TRAK1: variants seen among roughly 807,000 people sequenced by gnomAD.
TRAK1 encodes the protein trafficking kinesin-binding protein 1.
Under a neutral mutation model 92.1 loss-of-function variants are expected in TRAK1, and 33 were observed. The ratio of observed to expected loss-of-function variants is 0.36; its 90% CI spans 0.27 to 0.48. The LOEUF is 0.48. Among genes scored for constraint, TRAK1 ranks in the 20% least tolerant of loss-of-function variants. The pLI, the probability that TRAK1 is intolerant of heterozygous loss-of-function variation, is 0.99. For synonymous variants in TRAK1, 521 were observed against 517.3 expected (o/e 1.01, Z -0.10); for missense variants, 1,123 against 1,257.9 (o/e 0.89, Z 1.62).
At chr3:42,158,942 A>T (rs1700893142) in intron 2 of TRAK1, among the ~76,000 whole-genome samples, 1 of 147,516 alleles carries the variant, frequency 6.8e-6, no homozygotes, top group Non-Finnish European at 1.5e-5. Context: ...CTGGGCGACA[A>T]AGCAAGACTC....
chr3:42,135,678 C>T (rs777564831), intron 2 of TRAK1, among the ~76,000 whole-genome samples: 1 of 152,216 alleles, frequency 6.6e-6, no homozygotes, highest in Non-Finnish European at 1.5e-5. Context: ...GTGGGAACAT[C>T]CCAGCTCTCT....
intron 1 of TRAK1, among the ~76,000 whole-genome samples, chr3:42,118,729 T>TCTTA (rs1709479485): frequency 6.6e-6 from 1 of 152,214 alleles, no homozygotes; most frequent in African/African-American, 2.4e-5. Flanking sequence ...CCATTCCAAA[T>TCTTA]CTTACGCCTT....
intron 1 of TRAK1, among the ~76,000 whole-genome samples, chr3:42,115,163 C>T (rs1182084275): frequency 5.3e-5 from 8 of 152,184 alleles, no homozygotes; most frequent in Non-Finnish European, 8.8e-5. Flanking sequence ...AACTTATACA[C>T]GTTAACTTTC....
intron 1 of TRAK1, among the ~76,000 whole-genome samples, chr3:42,077,854 A>T (rs1704228110): frequency 6.6e-6 from 1 of 152,170 alleles, no homozygotes; most frequent in Admixed American, 6.5e-5. Context: ...TTGGACAGAG[A>T]CTGTGGGGTG....
intron 2 of TRAK1, chr3:42,149,531 T>C (rs1003510508): frequency 6.5e-7 from 1 of 1,536,160 alleles, no homozygotes; most frequent in East Asian, 2.4e-5. Context: ...GCAAGACTAC[T>C]GACTATGCAG....
chr3:42,162,605 C>T (rs1427338048), intron 2 of TRAK1, among the ~76,000 whole-genome samples: 3 of 151,996 alleles, frequency 2.0e-5, no homozygotes, highest in Non-Finnish European at 4.4e-5. Context: ...TGGTGCACAG[C>T]GATGCTGTAC....
chr3:42,056,702 C>T (rs1703218801), intron 1 of TRAK1, among the ~76,000 whole-genome samples: 1 of 152,066 alleles, frequency 6.6e-6, no homozygotes, highest in Admixed American at 6.6e-5. Context: ...TTAATATTGT[C>T]CCAAGTGCAA....
chr3:42,138,471 TA>T (rs961881225), intron 2 of TRAK1, among the ~76,000 whole-genome samples: 4 of 152,204 alleles, frequency 2.6e-5, no homozygotes, highest in Admixed American at 2.6e-4. Context: ...TCTCCTTCCT[TA>T]TCTTTTTCCA....
At chr3:42,156,582 A>C (rs984159291) in intron 2 of TRAK1, among the ~76,000 whole-genome samples, 1 of 152,240 alleles carries the variant, frequency 6.6e-6, no homozygotes. Context: ...ATGAATGACT[A>C]AATAACGGGA....
At chr3:42,107,883 A>G (rs1011783946) in intron 1 of TRAK1, among the ~76,000 whole-genome samples, 6 of 151,408 alleles carry the variant, frequency 4.0e-5, no homozygotes, top group African/African-American at 1.2e-4. Flanking sequence ...CCAGGGTTCC[A>G]TGCTCTTCCT....
In TRAK1 at chr3:42,223,125, T is replaced by C; in HGVS notation, c.2250T>C (p.Ser750=). 1 of 1,614,098 alleles carries C rather than the reference T, an allele frequency of 6.2e-7. No homozygotes were observed. Among genetic ancestry groups the C allele is most frequent in the Non-Finnish European group, 8.5e-7 (1 of 1,180,022 alleles). ...LVWLLKERGI[S]AAVYDPQSWD... is the part of the protein sequence containing the mutation. ...GGCTGTTGAAGGAGCGGGGCATTTC[T>C]GCTGCCGTGTACGACCCCCAGAGCT... The change falls in exon 16 of 16, where the codon TCT becomes TCC. Residue 750 remains serine, a synonymous_variant. Transcript: ENST00000327628. The surrounding 1 kb of genome is among the most constrained non-coding windows in gnomAD (Gnocchi z 6.1).
chr3:42,223,556 T>C lies in TRAK1; in HGVS notation c.2681T>C (p.Leu894Pro). 6.2e-7 allele frequency: 1 copy of C among 1,613,816 alleles called. No individual in the cohort carries two copies. Residue 894 changes from leucine (L) to proline (P), a missense_variant, in exon 16 of 16, where the codon CTG becomes CCG. Leu to Pro is a moderately conservative substitution (Grantham distance 98, BLOSUM62 -3). Transcript: ENST00000327628. This position sits in a 1 kb window ranked among gnomAD's most constrained non-coding sequence, Gnocchi z 6.1. ...LVPRGLVPEG[L>P]PLRCPTVTSA... Reference sequence around the variant, plus strand: ...CCCAGAGGCCTGGTACCTGAGGGCCTGCCCCTCAGATGCCCCACTGTCACC... The same window carrying C: ...CCCAGAGGCCTGGTACCTGAGGGCCCGCCCCTCAGATGCCCCACTGTCACC...
chr3:42,149,447 A>T, intron 2 of TRAK1: 5 of 1,528,704 alleles, frequency 3.3e-6, no homozygotes, highest in Non-Finnish European at 4.4e-6. Context: ...TCTGTCCAGT[A>T]TTCTGGAAGG....
At chr3:42,170,725 A>G (rs183245288) in intron 2 of TRAK1, among the ~76,000 whole-genome samples, 1 of 152,334 alleles carries the variant, frequency 6.6e-6, no homozygotes, top group Non-Finnish European at 1.5e-5. Context: ...GTTTCTTGAT[A>G]AAACTTTGGG....
intron 1 of TRAK1, among the ~76,000 whole-genome samples, chr3:42,059,296 G>A (rs1703330864): frequency 6.6e-6 from 1 of 151,902 alleles, no homozygotes. Flanking sequence ...AGGCCTCTTT[G>A]TGTTGCCCAG....
In TRAK1 at chr3:42,202,682, C is replaced by T. The variant is rs146070004; in HGVS notation, c.1674C>T (p.Gly558=). The T allele has an allele frequency of 7.4e-6, 12 of 1,613,518 alleles. No homozygotes were observed. The highest frequency in any genetic ancestry group is 2.7e-5 in the African/African-American group (2 of 74,948). ...GTHSRFSEFT[G]FSGMSFSSRS... ...ACTCCCGCTTCTCCGAGTTCACCGGCTTCTCTGGCATGTCCTTCAGCAGCC... is the reference window on the plus strand; with the variant it reads ...ACTCCCGCTTCTCCGAGTTCACCGGTTTCTCTGGCATGTCCTTCAGCAGCC... The change falls in exon 13 of 16, where the codon GGC becomes GGT. Residue 558 remains glycine (G), a synonymous_variant. Coordinates refer to ENST00000327628, the MANE Select transcript of TRAK1 (RefSeq NM_001042646.3). This position sits in a 1 kb window ranked among gnomAD's most constrained non-coding sequence, Gnocchi z 6.1.
chr3:42,168,264 T>C (rs1702117096), intron 2 of TRAK1, among the ~76,000 whole-genome samples: 2 of 152,234 alleles, frequency 1.3e-5, no homozygotes, highest in African/African-American at 4.8e-5. Context: ...AATTTTGCTA[T>C]GTGATAACAT....
upstream of TRAK1, among the ~76,000 whole-genome samples, chr3:42,088,638 G>A (rs1032663886): frequency 1.3e-5 from 2 of 152,206 alleles, no homozygotes; most frequent in Non-Finnish European, 2.9e-5. Context: ...GTCCACTGCA[G>A]GCAGGCTCAT....
chr3:42,188,625 T>C (rs1705238456), intron 5 of TRAK1, among the ~76,000 whole-genome samples: 1 of 152,254 alleles, frequency 6.6e-6, no homozygotes, highest in Non-Finnish European at 1.5e-5. Flanking sequence ...ACTTAACCTC[T>C]GTACTTGTTT....
Sources: gnomAD v4.1 joint callset for allele counts (sites outside exome capture counted in the v4.1 genomes callset) on GRCh38, gnomAD v4.1.1 for gene constraint, Gnocchi (gnomAD v3.1) non-coding constraint, MANE v1.5 for transcripts, NCBI Gene and HGNC (gene_info 2026-07-23, HGNC 2026-07-21) for gene names.